The following CAMTA1 variants were observed in gnomAD, a reference collection of about 807,000 sequenced individuals.
CAMTA1 encodes the protein calmodulin binding transcription activator 1.
Under a neutral mutation model 170.9 loss-of-function variants are expected in CAMTA1, and 27 were observed. The observed-to-expected ratio is 0.16, with a 90% CI of 0.12 to 0.22. The LOEUF (loss-of-function observed/expected upper bound fraction) is 0.22, where lower values mean the gene tolerates loss of function less well. CAMTA1 is among the 10% of genes least tolerant of loss of function. The pLI is 1.00. For missense variants in CAMTA1, 1,619 were observed against 2,217.2 expected (o/e 0.73, Z 5.42); for synonymous variants, 833 against 891.5 (o/e 0.93, Z 1.17).
rs1472406338 is a variant in CAMTA1, at chr1:7,547,973, G to A, written c.510+80072G>A. 6.6e-6 allele frequency among the ~76,000 whole-genome samples: 1 copy of A among 152,174 alleles called. No homozygotes were observed. Among genetic ancestry groups the A allele is most frequent in the African/African-American group, 2.4e-5 (1 of 41,452 alleles). On this transcript the variant is annotated intron_variant, in intron 6 of 22. Transcript: ENST00000303635. The surrounding 1 kb of genome is among the most constrained non-coding windows in gnomAD (Gnocchi z 5.7). ...GCTCAGGGGAAACAGTGACGTGATT[G>A]ATTAGTAATGTCTGCCATGAACAGA... is the stretch of plus-strand genomic sequence containing the variant.
At chr1:7,243,186 C>T (rs1053849489) in intron 4 of CAMTA1, among the ~76,000 whole-genome samples, 1 of 152,090 alleles carries the variant, frequency 6.6e-6, no homozygotes, top group African/African-American at 2.4e-5. Context: ...GCCCCTATGC[C>T]TTGGTCTTCT....
At chr1:7,502,895 G>A (rs1383859517) in intron 6 of CAMTA1, among the ~76,000 whole-genome samples, 1 of 152,194 alleles carries the variant, frequency 6.6e-6, no homozygotes, top group Non-Finnish European at 1.5e-5. Context: ...CCTGCCCTGT[G>A]GCCCCTGCCC....
At position 7,185,545 on chromosome 1, in the gene CAMTA1, A is replaced by G. The variant is rs142833060; in HGVS notation, c.303-63946A>G. Among the ~76,000 whole-genome samples the G allele has an allele frequency of 2.3e-3, 350 of 152,348 alleles. 8 individuals carry two copies. In the East Asian group the frequency reaches 0.038, roughly 16 times the overall value. ...GATTGAAAATGTAGAAGGAATTTAC[A>G]TAGTCCTGACATATCTCCCCACAAA... On this transcript the variant is annotated intron_variant, in intron 4 of 22. Coordinates refer to ENST00000303635, the MANE Select transcript of CAMTA1 (RefSeq NM_015215.4).
chr1:7,508,894 C>T (rs186061304), intron 6 of CAMTA1, among the ~76,000 whole-genome samples: 432 of 152,314 alleles, frequency 2.8e-3, no homozygotes, highest in African/African-American at 0.01. Context: ...TTGATTTCTG[C>T]AACTCACTCA....
At chr1:7,515,472 T>G (rs911218880) in intron 6 of CAMTA1, among the ~76,000 whole-genome samples, 13 of 152,172 alleles carry the variant, frequency 8.5e-5, no homozygotes, top group Admixed American at 8.5e-4. Context: ...TGTAAGTACT[T>G]AGCTCACAGC....
At position 7,766,600 on chromosome 1, in the gene CAMTA1, C is replaced by T; in HGVS notation, c.*109C>T. The stretch of plus-strand genomic sequence containing the variant: ...CAACACACACGCACACACGCACACA[C>T]ACACACGTACACACACATACAAAAT... On this transcript the variant is annotated 3_prime_UTR_variant, in exon 23 of 23. Coordinates refer to ENST00000303635, the MANE Select transcript of CAMTA1 (RefSeq NM_015215.4). 1.2e-6 allele frequency: 1 copy of T among 840,868 alleles called. No homozygotes were observed. The highest frequency in any genetic ancestry group is 2.0e-6 in the Non-Finnish European group (1 of 501,480). 52.1% of individuals were successfully genotyped at this position (840,868 alleles called of 1,614,324 possible).
In CAMTA1 at chr1:7,333,317, C is replaced by T. The variant is rs1228062019; in HGVS notation, c.438+83691C>T. On this transcript the variant is annotated intron_variant, in intron 5 of 22. Transcript: ENST00000303635. This position sits in a 1 kb window ranked among gnomAD's most constrained non-coding sequence, Gnocchi z 4.4. ...ATTGACATGAGTTGAACCTAGTTGT[C>T]ATTCCTGCCGGTGAGGGAGAGACCC... Among the ~76,000 whole-genome samples, 6 of 152,200 alleles carry T rather than the reference C, an allele frequency of 3.9e-5. No individual in the cohort carries two copies. Among genetic ancestry groups the T allele is most frequent in the Non-Finnish European group, 8.8e-5 (6 of 68,042 alleles).
chr1:7,509,520 TG>T, intron 6 of CAMTA1, among the ~76,000 whole-genome samples: 1 of 152,352 alleles, frequency 6.6e-6, no homozygotes, highest in South Asian at 2.1e-4. Context: ...TCTGGATTAT[TG>T]TCTGTAAGTT....
At chr1:7,369,422 C>T (rs560997451) in intron 5 of CAMTA1, among the ~76,000 whole-genome samples, 18 of 152,276 alleles carry the variant, frequency 1.2e-4, no homozygotes, top group African/African-American at 4.1e-4. Flanking sequence ...CAGGACCACT[C>T]TGTGGTTCCA....
intron 3 of CAMTA1, among the ~76,000 whole-genome samples, chr1:6,974,149 T>C (rs1479068338): frequency 6.6e-6 from 1 of 152,014 alleles, no homozygotes; most frequent in Non-Finnish European, 1.5e-5. Context: ...GTTTGTAATA[T>C]ATTGTTCTCA....
chr1:7,003,443 A>C (rs1234851743), intron 3 of CAMTA1, among the ~76,000 whole-genome samples: 1 of 152,252 alleles, frequency 6.6e-6, no homozygotes, highest in Non-Finnish European at 1.5e-5. Flanking sequence ...GGTGCCAGGC[A>C]GGGAATGATC....
At chr1:7,691,022 T>C (rs984265625) in intron 11 of CAMTA1, among the ~76,000 whole-genome samples, 2 of 152,204 alleles carry the variant, frequency 1.3e-5, no homozygotes, top group Admixed American at 6.5e-5. Flanking sequence ...GATGAGGACC[T>C]GCAGTCAACG....
At chr1:6,873,197 TATA>T (rs1255270497) in intron 3 of CAMTA1, among the ~76,000 whole-genome samples, 2 of 152,156 alleles carry the variant, frequency 1.3e-5, no homozygotes, top group African/African-American at 4.8e-5. Context: ...CCCTGTGATT[TATA>T]ATGTCCCAGT....
chr1:6,992,187 A>C (rs1455428581), intron 3 of CAMTA1, among the ~76,000 whole-genome samples: 1 of 151,970 alleles, frequency 6.6e-6, no homozygotes, highest in East Asian at 1.9e-4. Flanking sequence ...CTCTCACCTC[A>C]GCCTCCCGAA....
intron 5 of CAMTA1, among the ~76,000 whole-genome samples, chr1:7,364,881 A>G (rs2085845579): frequency 6.6e-6 from 1 of 152,228 alleles, no homozygotes; most frequent in African/African-American, 2.4e-5. Flanking sequence ...GAATGAATGA[A>G]TGAGTGAATG....
intron 4 of CAMTA1, among the ~76,000 whole-genome samples, chr1:7,247,813 C>T (rs574433130): frequency 3.8e-3 from 574 of 152,162 alleles, no homozygotes; most frequent in African/African-American, 0.013. Context: ...CATCGTTGGC[C>T]CCACATGCAA....
chr1:7,638,885 A>C (rs548974170), intron 6 of CAMTA1, among the ~76,000 whole-genome samples: 6 of 152,244 alleles, frequency 3.9e-5, no homozygotes, highest in African/African-American at 9.6e-5. Context: ...GGCATGTCCT[A>C]TCTGAGCTCG....
chr1:7,106,269 A>G (rs1284706089), intron 4 of CAMTA1, among the ~76,000 whole-genome samples: 1 of 151,800 alleles, frequency 6.6e-6, no homozygotes, highest in East Asian at 1.9e-4. Context: ...AGAGAGAGAG[A>G]GAGAAAGAAA....
chr1:7,619,772 C>T (rs1318897614), intron 6 of CAMTA1, among the ~76,000 whole-genome samples: 1 of 151,968 alleles, frequency 6.6e-6, no homozygotes, highest in African/African-American at 2.4e-5. Context: ...GCCCCAGCCT[C>T]CTGAGTAGCT....
Sources: allele counts gnomAD v4.1 joint callset (sites outside exome capture counted in the v4.1 genomes callset), GRCh38; gene constraint gnomAD v4.1.1; non-coding constraint Gnocchi (gnomAD v3.1); transcripts MANE v1.5; gene names NCBI Gene and HGNC (gene_info 2026-07-23, HGNC 2026-07-21).